Variants in GLIS1 observed in about 807,000 individuals in gnomAD.
GLIS1 encodes GLIS family zinc finger 1, also known as zinc finger protein GLIS1.
GLIS1 carries 24 observed loss-of-function variants against 63.8 expected under a neutral mutation model. The observed-to-expected ratio is 0.38, with a 90% CI of 0.27 to 0.53. GLIS1 has a LOEUF of 0.53. Among genes scored for constraint, GLIS1 ranks in the 20% least tolerant of loss-of-function variants. The pLI, the probability that GLIS1 is intolerant of heterozygous loss-of-function variation, is 0.85. For synonymous variants in GLIS1, 450 were observed against 482.5 expected (o/e 0.93, Z 0.88); for missense variants, 1,036 against 1,074.1 (o/e 0.96, Z 0.50).
chr1:53,649,487 A>G (rs911868424), intron 2 of GLIS1, among the ~76,000 whole-genome samples: 6 of 152,300 alleles, frequency 3.9e-5, no homozygotes, highest in African/African-American at 1.2e-4. Flanking sequence ...CAAGGTTCTC[A>G]CATATTTTTT....
chr1:53,664,210 C>T (rs1186608559), intron 2 of GLIS1, among the ~76,000 whole-genome samples: 1 of 152,270 alleles, frequency 6.6e-6, no homozygotes, highest in Admixed American at 6.5e-5. Flanking sequence ...GACCAAGTCA[C>T]TCCCTCTACC....
At chr1:53,675,409 G>A (rs528180958) in intron 2 of GLIS1, among the ~76,000 whole-genome samples, 5 of 152,250 alleles carry the variant, frequency 3.3e-5, no homozygotes, top group Admixed American at 1.3e-4. Flanking sequence ...TGCTCTGCTC[G>A]TGCCCTTGCT....
At chr1:53,525,016 C>T (rs894408318) in intron 5 of GLIS1, 129 bp from the exon 6 acceptor site, 24 of 660,820 alleles carry the variant, frequency 3.6e-5, no homozygotes, top group Admixed American at 1.1e-4. Flanking sequence ...TCTGCCTCAG[C>T]CAGCCCGGCC....
chr1:53,676,358 C>T lies in GLIS1; in HGVS notation c.259+61448G>A, dbSNP rs1487248655. Reference sequence around the variant, plus strand: ...CTGAGAAGCATCCACCCTTCCCCAACTCAGTCTCCTCCTCAGTCTGGGCTA... The same window carrying T: ...CTGAGAAGCATCCACCCTTCCCCAATTCAGTCTCCTCCTCAGTCTGGGCTA... On this transcript the variant is annotated intron_variant, in intron 2 of 10. Transcript: ENST00000628545. Among the ~76,000 whole-genome samples the T allele has an allele frequency of 2.0e-5, 3 of 152,312 alleles. No individual in the cohort carries two copies. The East Asian group carries it at 5.8e-4, about 29-fold the overall frequency.
At position 53,519,237 on chromosome 1, in the gene GLIS1, G is replaced by C. The variant is rs116682301; in HGVS notation, c.1726+1397C>G. Among the ~76,000 whole-genome samples the C allele has an allele frequency of 2.6e-5, 4 of 152,258 alleles. No homozygotes were observed. In the East Asian group the frequency reaches 7.7e-4, roughly 29 times the overall value. On this transcript the variant is annotated intron_variant, in intron 7 of 10. Coordinates refer to ENST00000628545, the MANE Select transcript of GLIS1 (RefSeq NM_001367484.1). ...ACACAGAGGGGTCCTCTAGCTAGACGTGAGGAGGGTGCAGACCCTCCCCCA... is the reference window on the plus strand; with the variant it reads ...ACACAGAGGGGTCCTCTAGCTAGACCTGAGGAGGGTGCAGACCCTCCCCCA...
In GLIS1 at chr1:53,523,873, C is replaced by T. The variant is rs1203170550; in HGVS notation, c.1593+904G>A. Reference sequence around the variant, plus strand: ...GGCACCCACTGTGCCCTGGACATAGCCCTGCCCACACCACCTCTCCTCACT... The same window carrying T: ...GGCACCCACTGTGCCCTGGACATAGTCCTGCCCACACCACCTCTCCTCACT... On this transcript the variant is annotated intron_variant, in intron 6 of 10. Coordinates refer to ENST00000628545, the MANE Select transcript of GLIS1 (RefSeq NM_001367484.1). Among the ~76,000 whole-genome samples the T allele has an allele frequency of 2.0e-5, 3 of 152,306 alleles. No individual in the cohort carries two copies. In the East Asian group the frequency reaches 5.8e-4, roughly 29 times the overall value.
At chr1:53,677,698 G>A (rs951699104) in intron 2 of GLIS1, among the ~76,000 whole-genome samples, 5 of 152,262 alleles carry the variant, frequency 3.3e-5, no homozygotes, top group East Asian at 1.9e-4. Context: ...GGGCACCCGC[G>A]AGGAGCACCT....
At chr1:53,605,458 G>A (rs1439344760) in intron 2 of GLIS1, among the ~76,000 whole-genome samples, 2 of 152,154 alleles carry the variant, frequency 1.3e-5, no homozygotes, top group Non-Finnish European at 2.9e-5. Flanking sequence ...TGAGCTCCCC[G>A]GCCTCGGCAG....
chr1:53,727,063 A>G (rs1410127465), intron 2 of GLIS1, among the ~76,000 whole-genome samples: 3 of 152,194 alleles, frequency 2.0e-5, no homozygotes, highest in Admixed American at 2.0e-4. Context: ...CACTTTTCAA[A>G]TGAGGAAGAC....
At chr1:53,680,953 C>T (rs549487831) in intron 2 of GLIS1, among the ~76,000 whole-genome samples, 1 of 152,342 alleles carries the variant, frequency 6.6e-6, no homozygotes, top group South Asian at 2.1e-4. Flanking sequence ...GTGGCCACTG[C>T]CCAACACATC....
chr1:53,551,553 G>A (rs60200253), intron 4 of GLIS1, among the ~76,000 whole-genome samples: 1,608 of 152,244 alleles, frequency 0.011, 30 homozygotes, highest in African/African-American at 0.033. Flanking sequence ...ACGTCAGGTC[G>A]GTTGCTTAGA....
chr1:53,581,123 G>A (rs1163870589), intron 4 of GLIS1, among the ~76,000 whole-genome samples: 1 of 152,220 alleles, frequency 6.6e-6, no homozygotes, highest in African/African-American at 2.4e-5. Context: ...CATTCCAGGA[G>A]CTGTGAACTG....
At chr1:53,688,094 G>A (rs550610085) in intron 2 of GLIS1, among the ~76,000 whole-genome samples, 2 of 152,314 alleles carry the variant, frequency 1.3e-5, no homozygotes, top group South Asian at 2.1e-4. Flanking sequence ...CTGCCCCAGC[G>A]CGTTTCCTGC....
In GLIS1 at chr1:53,506,647, T is replaced by G. The variant is rs912455876; in HGVS notation, c.2360A>C (p.His787Pro). The G allele has an allele frequency of 1.4e-5, 23 of 1,595,690 alleles. No individual in the cohort carries two copies. The highest frequency in any genetic ancestry group is 2.8e-5 in the African/African-American group (2 of 71,858). ...PNGAFDHCLG[H>P]IPSIYTDT ...GGTGTCTGTGTAGATGGAGGGGATG[T>G]GGCCCAGGCAGTGGTCAAAGGCTCC... The change falls in exon 11 of 11, where the codon CAC becomes CCC. Residue 787 changes from histidine (H) to proline (P), a missense_variant. His to Pro is a moderately conservative substitution (Grantham distance 77). Around this residue, in one of 3 missense-constraint regions of GLIS1, gnomAD observed 400 missense variants for 400.9 expected, o/e 1.00. Coordinates refer to ENST00000628545, the MANE Select transcript of GLIS1 (RefSeq NM_001367484.1).
rs796574314 is a variant in GLIS1, at chr1:53,583,517, C to T, written c.1320+10591G>A. Among the ~76,000 whole-genome samples, 59 of 152,310 alleles carry T rather than the reference C, an allele frequency of 3.9e-4. 1 individual carries two copies. Among genetic ancestry groups the T allele is most frequent in the African/African-American group, 1.3e-3 (54 of 41,568 alleles). On this transcript the variant is annotated intron_variant, in intron 4 of 10. Transcript: ENST00000628545. ...GTCCCATTGCCCCATCCCCAGGAAA[C>T]GTACCGCCCAGTACCACATTGTCCA...
At chr1:53,651,769 G>A (rs894457650) in intron 2 of GLIS1, among the ~76,000 whole-genome samples, 1 of 152,086 alleles carries the variant, frequency 6.6e-6, no homozygotes. Flanking sequence ...AGCTACTCAG[G>A]GGGCTGAGGT....
rs57607550 is a variant in GLIS1 at position 53,597,176 on chromosome 1, TAAAAAAAAAAAAAA to T, written c.438-2200_438-2187del. On this transcript the variant is annotated intron_variant, in intron 3 of 10. Coordinates refer to ENST00000628545, the MANE Select transcript of GLIS1 (RefSeq NM_001367484.1). Reference sequence around the variant, plus strand: ...TGGCCTGGTGAAACCCTGTCTCTACTAAAAAAAAAAAAAAAAAAAAAAAAAAAAAAAAAAACACT... The same window carrying T: ...TGGCCTGGTGAAACCCTGTCTCTACTAAAAAAAAAAAAAAAAAAAAACACT... Among the ~76,000 whole-genome samples the T allele has an allele frequency of 9.9e-3, 192 of 19,346 alleles. 1 individual carries two copies. The highest frequency in any genetic ancestry group is 0.016 in the Non-Finnish European group (159 of 9,710). The allele number at this position is 19,346 out of a possible 152,430, so 12.7% of individuals were successfully genotyped here.
In GLIS1 at chr1:53,594,575, T is replaced by G. The variant is rs4307514; in HGVS notation, c.853A>C (p.Thr285Pro). 7 of 1,595,560 alleles carry G rather than the reference T, an allele frequency of 4.4e-6. No individual in the cohort carries two copies. The highest frequency in any genetic ancestry group is 6.0e-6 in the Non-Finnish European group (7 of 1,167,046). Residue 285 changes from threonine (T) to proline (P), a missense_variant, in exon 4 of 11, where the codon ACG becomes CCG. Transcript: ENST00000628545. ...TTGGAAGGGCCCCCCAGATCTCCCG[T>G]CAGAGGGGGGCTCCGGAGTCCATTT... ...CVNGLRSPPL[T>P]GDLGGPSKRA...
intron 4 of GLIS1, among the ~76,000 whole-genome samples, chr1:53,592,358 G>A (rs1645200176): frequency 6.6e-6 from 1 of 152,228 alleles, no homozygotes; most frequent in African/African-American, 2.4e-5. Flanking sequence ...CAGAAGCCAG[G>A]TGTAAGCCAG....
Sources: allele counts gnomAD v4.1 joint callset (sites outside exome capture counted in the v4.1 genomes callset), GRCh38; gene constraint gnomAD v4.1.1; regional missense constraint gnomAD v4.1.1; transcripts MANE v1.5; gene names NCBI Gene and HGNC (gene_info 2026-07-23, HGNC 2026-07-21).